IRAK2: variants seen among roughly 807,000 people sequenced by gnomAD.
IRAK2 encodes interleukin 1 receptor associated kinase 2, also known as interleukin-1 receptor-associated kinase-like 2.
IRAK2 carries 57 observed loss-of-function variants against 72.0 expected under a neutral mutation model. The observed-to-expected ratio is 0.79, with a 90% confidence interval of 0.64 to 0.99. The LOEUF (loss-of-function observed/expected upper bound fraction) is 0.99, where lower values mean the gene tolerates loss of function less well. Among genes scored for constraint, IRAK2 ranks in the 50% least tolerant of loss-of-function variants. The probability of loss-of-function intolerance (pLI) is 0.00; values close to 1 mark genes in which losing one functional copy is unlikely to be tolerated. For synonymous variants in IRAK2, 293 were observed against 312.7 expected (o/e 0.94, Z 0.67); for missense variants, 790 against 794.4 (o/e 0.99, Z 0.07).
At position 10,206,128 on chromosome 3, in the gene IRAK2, G is replaced by A. The variant is rs994658215; in HGVS notation, c.425-3461G>A. 7.5e-5 allele frequency among the ~76,000 whole-genome samples: 10 copies of A among 133,494 alleles called. No individual in the cohort carries two copies. The Admixed American group carries it at 7.6e-4, about 10-fold the overall frequency. The allele number at this position is 133,494 out of a possible 152,430, so 87.6% of individuals were successfully genotyped here. A position where few individuals can be genotyped will look rare whatever the true frequency, so the allele number is the denominator to read the frequency against. ...AGCTGGGCAAGGCTGGGAGAGCCTT[G>A]GGACCATGGTGCGCCATTTCCGAGG... is the stretch of plus-strand genomic sequence containing the variant. On this transcript the variant is annotated intron_variant, in intron 3 of 12. Coordinates refer to ENST00000256458, the MANE Select transcript of IRAK2 (RefSeq NM_001570.4).
chr3:10,234,445 CCTT>C lies in IRAK2; in HGVS notation c.1273-9_1273-7del. On this transcript the variant is annotated splice_polypyrimidine_tract_variant and intron_variant, in intron 10 of 12. Transcript: ENST00000256458. ...GCAGCTCACGCAAGGGCGTTTCTAC[CCTT>C]CTTCCCACAGAAGGACTTACTCCTC... 1 of 1,612,306 alleles carries C rather than the reference CCTT, an allele frequency of 6.2e-7. No individual in the cohort carries two copies. The highest frequency in any genetic ancestry group is 1.7e-4 in the Middle Eastern group (1 of 6,058).
chr3:10,219,480 G>A lies in IRAK2; in HGVS notation c.904-200G>A, dbSNP rs578061018. Among the ~76,000 whole-genome samples the A allele has an allele frequency of 1.1e-4, 16 of 151,980 alleles. 1 individual carries two copies. The highest frequency in any genetic ancestry group is 1.9e-4 in the African/African-American group (8 of 41,460). ...ACTACAGGCAGCCGCCACCAGGACC[G>A]GCTAATTTTTTGTATTTTTAGTAGA... On this transcript the variant is annotated intron_variant, in intron 7 of 12. Transcript: ENST00000256458.
At chr3:10,206,143 C>T (rs1697430195) in intron 3 of IRAK2, among the ~76,000 whole-genome samples, 1 of 152,216 alleles carries the variant, frequency 6.6e-6, no homozygotes, top group Non-Finnish European at 1.5e-5. Context: ...CATGGTGCGC[C>T]ATTTCCGAGG....
chr3:10,170,232 A>G (rs932741558), intron 1 of IRAK2, among the ~76,000 whole-genome samples: 1 of 152,158 alleles, frequency 6.6e-6, no homozygotes, highest in Non-Finnish European at 1.5e-5. Context: ...TTCTGCTTCT[A>G]CCATCACCTC....
intron 3 of IRAK2, among the ~76,000 whole-genome samples, chr3:10,208,357 A>G (rs1697463001): frequency 2.6e-5 from 4 of 152,040 alleles, no homozygotes; most frequent in Admixed American, 2.0e-4. Context: ...GCTAGAGTGC[A>G]GTGGTGTGAT....
intron 1 of IRAK2, among the ~76,000 whole-genome samples, chr3:10,176,768 C>A (rs750741091): frequency 6.0e-5 from 9 of 149,994 alleles, no homozygotes; most frequent in Non-Finnish European, 8.9e-5. Flanking sequence ...TAAGCCACTG[C>A]GCCTGGCCTA....
At chr3:10,176,692 T>G (rs943855517) in intron 1 of IRAK2, among the ~76,000 whole-genome samples, 1 of 150,992 alleles carries the variant, frequency 6.6e-6, no homozygotes, top group African/African-American at 2.4e-5. Flanking sequence ...TTAGCCAGCA[T>G]GGTCTCAATC....
chr3:10,215,411 A>T (rs1474056224), intron 6 of IRAK2, among the ~76,000 whole-genome samples: 1 of 146,970 alleles, frequency 6.8e-6, no homozygotes, highest in Non-Finnish European at 1.5e-5. Context: ...AAAAAAAAAA[A>T]AAATTAATTA....
intron 6 of IRAK2, among the ~76,000 whole-genome samples, chr3:10,214,584 T>G (rs1425477474): frequency 6.6e-6 from 1 of 151,466 alleles, no homozygotes; most frequent in African/African-American, 2.4e-5. Context: ...ACTTGTGCCT[T>G]ATATTGTAGG....
chr3:10,170,171 T>A (rs770665848), intron 1 of IRAK2, among the ~76,000 whole-genome samples: 7 of 152,166 alleles, frequency 4.6e-5, no homozygotes, highest in Non-Finnish European at 7.3e-5. Context: ...TATGGCCCCT[T>A]CCTCCATCAT....
chr3:10,203,296 C>A lies in IRAK2; in HGVS notation c.424+2781C>A, dbSNP rs183456144. Among the ~76,000 whole-genome samples, 617 of 152,180 alleles carry A rather than the reference C, an allele frequency of 4.1e-3. 2 individuals are homozygous for A. Among genetic ancestry groups the A allele is most frequent in the Non-Finnish European group, 6.2e-3 (425 of 68,010 alleles). The stretch of plus-strand genomic sequence containing the variant: ...ACAGGCGTGAGCCACTGCACCCAGC[C>A]CCTATTTGCTTTCTTGATGGCACTT... On this transcript the variant is annotated intron_variant, in intron 3 of 12. Transcript: ENST00000256458.
At chr3:10,194,684 T>G (rs2125149598) in intron 2 of IRAK2, among the ~76,000 whole-genome samples, 1 of 152,306 alleles carries the variant, frequency 6.6e-6, no homozygotes, top group East Asian at 1.9e-4. Flanking sequence ...TCTTCATGTT[T>G]GGACAGTGGG....
At chr3:10,175,495 T>G (rs987045785) in intron 1 of IRAK2, among the ~76,000 whole-genome samples, 1 of 152,172 alleles carries the variant, frequency 6.6e-6, no homozygotes, top group African/African-American at 2.4e-5. Flanking sequence ...GGCTCACACC[T>G]GCAATCCCAG....
intron 2 of IRAK2, among the ~76,000 whole-genome samples, chr3:10,188,744 T>C (rs1254401173): frequency 1.3e-5 from 2 of 152,238 alleles, no homozygotes; most frequent in African/African-American, 4.8e-5. Flanking sequence ...CAGGCTGGTC[T>C]CAAACTCCCG....
intron 2 of IRAK2, among the ~76,000 whole-genome samples, chr3:10,183,698 C>T (rs976688289): frequency 2.6e-5 from 4 of 150,958 alleles, no homozygotes; most frequent in Non-Finnish European, 2.9e-5. Flanking sequence ...TCCAGCCTGG[C>T]GGCAGAGCGA....
intron 10 of IRAK2, 29 bp from the exon 11 acceptor site, chr3:10,234,430 C>A: frequency 6.3e-7 from 1 of 1,599,248 alleles, no homozygotes; most frequent in Non-Finnish European, 8.6e-7. Flanking sequence ...GCAGCTCACG[C>A]AAGGGCGTTT....
intron 2 of IRAK2, among the ~76,000 whole-genome samples, chr3:10,185,717 A>G (rs1697065788): frequency 6.6e-6 from 1 of 151,252 alleles, no homozygotes; most frequent in Admixed American, 6.6e-5. Flanking sequence ...TCTACTAAAA[A>G]TACAAAAATT....
In IRAK2 at chr3:10,213,636, A is replaced by T. The variant is rs920982521; in HGVS notation, c.788+88A>T. The T allele has an allele frequency of 7.9e-5, 76 of 967,176 alleles. 1 individual carries two copies. The highest frequency in any genetic ancestry group is 1.2e-4 in the Non-Finnish European group (72 of 601,842). 59.9% of individuals were successfully genotyped at this position (967,176 alleles called of 1,614,324 possible). ...CCAGTCATGTTTTAAGCACTCTATT[A>T]TATATAAACTCATTTAGTCCTTACA... is the stretch of plus-strand genomic sequence containing the variant. On this transcript the variant is annotated intron_variant, in intron 6 of 12. Transcript: ENST00000256458.
At chr3:10,185,053 G>A (rs1183598655) in intron 2 of IRAK2, among the ~76,000 whole-genome samples, 1 of 151,120 alleles carries the variant, frequency 6.6e-6, no homozygotes, top group Non-Finnish European at 1.5e-5. Context: ...CCAGGTAAAG[G>A]AGTAAGTTCT....
Sources: allele counts gnomAD v4.1 joint callset (sites outside exome capture counted in the v4.1 genomes callset), GRCh38; gene constraint gnomAD v4.1.1; transcripts MANE v1.5; gene names NCBI Gene and HGNC (gene_info 2026-07-23, HGNC 2026-07-21).